MYCBP2: variants seen among roughly 807,000 people sequenced by gnomAD.
MYCBP2 encodes the protein MYC binding protein 2.
Under a neutral mutation model 525.3 loss-of-function variants are expected in MYCBP2, and 120 were observed. The ratio of observed to expected loss-of-function variants is 0.23; its 90% CI spans 0.20 to 0.27. The LOEUF is 0.27. Ranked by LOEUF, MYCBP2 falls within the 10% of genes least tolerant of loss-of-function variation. The pLI is 1.00. For synonymous variants in MYCBP2, 1,894 were observed against 1,955.8 expected (o/e 0.97, Z 0.83); for missense variants, 4,149 against 5,657.1 (o/e 0.73, Z 8.55).
chr13:77,061,351 A>C, intron 75 of MYCBP2, 50 bp from the exon 76 acceptor site: 1 of 1,447,060 alleles, frequency 6.9e-7, no homozygotes, highest in Non-Finnish European at 9.4e-7. Context: ...TATCACTCTG[A>C]AAGGGAGAGT....
intron 52 of MYCBP2, 32 bp downstream of exon 52, chr13:77,139,164 T>G (rs369361199): frequency 6.2e-7 from 1 of 1,606,912 alleles, no homozygotes; most frequent in Non-Finnish European, 8.5e-7. Context: ...AGCGTGTATC[T>G]ATAATGCTTT....
At chr13:77,202,715 C>T (rs931018301) in intron 26 of MYCBP2, among the ~76,000 whole-genome samples, 2 of 152,034 alleles carry the variant, frequency 1.3e-5, no homozygotes, top group Admixed American at 6.6e-5. Context: ...TGGGCTTCAT[C>T]CCTGGGATGC....
At chr13:77,111,859 C>T (rs1412354847) in intron 55 of MYCBP2, among the ~76,000 whole-genome samples, 1 of 152,004 alleles carries the variant, frequency 6.6e-6, no homozygotes, top group East Asian at 1.9e-4. Flanking sequence ...CCATGTGCTC[C>T]CTCCATTTAT....
chr13:77,112,964 C>T (rs1179206224), intron 55 of MYCBP2, among the ~76,000 whole-genome samples: 1 of 152,116 alleles, frequency 6.6e-6, no homozygotes, highest in Non-Finnish European at 1.5e-5. Flanking sequence ...TACTCATTGT[C>T]TCCAATTTCT....
chr13:77,178,980 G>A (rs892789055), intron 34 of MYCBP2, among the ~76,000 whole-genome samples: 6 of 152,146 alleles, frequency 3.9e-5, no homozygotes, highest in Admixed American at 2.0e-4. Flanking sequence ...GGCTTCAATC[G>A]TCTCTGAGGC....
At chr13:77,322,458 C>T (rs1427192140) in intron 1 of MYCBP2, among the ~76,000 whole-genome samples, 1 of 152,170 alleles carries the variant, frequency 6.6e-6, no homozygotes, top group Non-Finnish European at 1.5e-5. Context: ...TCCCCAAAAC[C>T]TTCCATTTCT....
Position 77,264,299 on chromosome 13 carries a change from A to C in MYCBP2, c.1358-297T>G, listed in dbSNP as rs533565580. On this transcript the variant is annotated intron_variant, in intron 8 of 82. Coordinates refer to ENST00000544440, the MANE Select transcript of MYCBP2 (RefSeq NM_015057.5). Reference sequence around the variant, plus strand: ...ACAGTAAACATGCACCACGATGAACAAACTATAATGTTGGTTACAATCATT... The same window carrying C: ...ACAGTAAACATGCACCACGATGAACCAACTATAATGTTGGTTACAATCATT... 1.7e-3 allele frequency among the ~76,000 whole-genome samples: 255 copies of C among 152,210 alleles called. 1 individual carries two copies. Among genetic ancestry groups the C allele is most frequent in the African/African-American group, 5.6e-3 (232 of 41,558 alleles).
chr13:77,292,958 CA>C (rs548135428), intron 2 of MYCBP2, among the ~76,000 whole-genome samples: 233 of 61,304 alleles, frequency 3.8e-3, no homozygotes, highest in Middle Eastern at 7.6e-3. Flanking sequence ...GACTCCGTCT[CA>C]AAAAAAAAAA....
At chr13:77,213,849 G>A (rs919062497) in intron 21 of MYCBP2, among the ~76,000 whole-genome samples, 1 of 152,198 alleles carries the variant, frequency 6.6e-6, no homozygotes, top group Non-Finnish European at 1.5e-5. Flanking sequence ...AGCAGTGGAA[G>A]GAGACAGCGG....
Position 77,260,646 on chromosome 13 carries a change from T to C in MYCBP2, c.1853-54A>G, listed in dbSNP as rs966371741. ...GACCTCTATGTACAAATAATAATAATAATGGTTTGTATATAAAGCTAAAAA... is the reference window on the plus strand; with the variant it reads ...GACCTCTATGTACAAATAATAATAACAATGGTTTGTATATAAAGCTAAAAA... On this transcript the variant is annotated intron_variant, in intron 12 of 82. Transcript: ENST00000544440. The C allele has an allele frequency of 7.2e-6, 10 of 1,397,838 alleles. No homozygotes were observed. In the Admixed American group the frequency reaches 7.3e-5, roughly 10 times the overall value. 86.6% of individuals were successfully genotyped at this position (1,397,838 alleles called of 1,614,324 possible).
At chr13:77,208,179 C>T (rs1171616272) in intron 23 of MYCBP2, among the ~76,000 whole-genome samples, 1 of 152,054 alleles carries the variant, frequency 6.6e-6, no homozygotes, top group African/African-American at 2.4e-5. Flanking sequence ...TCTTTAAATG[C>T]TGAAGGCCTC....
rs187182952 is a variant in MYCBP2 at position 77,129,550 on chromosome 13, T to C, written c.7660-3008A>G. 4.1e-3 allele frequency: 740 copies of C among 181,588 alleles called. 3 individuals are homozygous for C. The highest frequency in any genetic ancestry group is 0.015 in the African/African-American group (640 of 42,808). The allele number at this position is 181,588 out of a possible 1,614,324, so 11.2% of individuals were successfully genotyped here. On this transcript the variant is annotated intron_variant, in intron 52 of 82. Transcript: ENST00000544440. ...CCTTAAAATTCTTTAAATGAGGATG[T>C]ATTTGTTCTAATACAAGCCAGATTT... is the stretch of plus-strand genomic sequence containing the variant.
intron 15 of MYCBP2, 40 bp from the exon 16 acceptor site, chr13:77,243,991 G>T: frequency 6.9e-7 from 1 of 1,451,286 alleles, no homozygotes; most frequent in African/African-American, 1.5e-5. Context: ...AGACAACTGA[G>T]ATATTCCTAA....
intron 78 of MYCBP2, among the ~76,000 whole-genome samples, chr13:77,057,472 A>C (rs570595923): frequency 6.6e-6 from 1 of 152,306 alleles, no homozygotes; most frequent in African/African-American, 2.4e-5. Context: ...AGAACTGAAA[A>C]TATAAGCAAT....
chr13:77,321,086 T>C (rs548501993), intron 1 of MYCBP2, among the ~76,000 whole-genome samples: 1 of 152,344 alleles, frequency 6.6e-6, no homozygotes, highest in African/African-American at 2.4e-5. Flanking sequence ...TTATTGTATA[T>C]AAATTAAACC....
At position 77,217,919 on chromosome 13, in the gene MYCBP2, C is replaced by G. The variant is rs2065040412; in HGVS notation, c.2978G>C (p.Ser993Thr). 6.2e-7 allele frequency: 1 copy of G among 1,610,564 alleles called. No homozygotes were observed. Among genetic ancestry groups the G allele is most frequent in the East Asian group, 2.2e-5 (1 of 44,682 alleles). The change falls in exon 21 of 83, where the codon AGC becomes ACC. Residue 993 changes from serine to threonine, a missense_variant. Ser to Thr is a moderately conservative substitution (Grantham distance 58). Coordinates refer to ENST00000544440, the MANE Select transcript of MYCBP2 (RefSeq NM_015057.5). ...GTTGCTGCCTGCAGTGACTTGTGTG[C>G]TAGGGCCTGGCAATGCTTGAACAAG... is the stretch of plus-strand genomic sequence containing the variant. ...PTLVQALPGP[S>T]TQVTAGSNHT... is the part of the protein sequence containing the mutation.
intron 26 of MYCBP2, among the ~76,000 whole-genome samples, chr13:77,198,264 G>A (rs1446206438): frequency 6.6e-6 from 1 of 152,096 alleles, no homozygotes; most frequent in Non-Finnish European, 1.5e-5. Flanking sequence ...ATAACTATAG[G>A]AGCTTTAAAT....
At position 77,194,141 on chromosome 13, in the gene MYCBP2, C is replaced by T. The variant is rs149027222; in HGVS notation, c.3935+12G>A. The stretch of plus-strand genomic sequence containing the variant: ...TGCAAGAGTTACAATGAATAATGCA[C>T]AAATTATTTACCTAGCAGCACAGTC... On this transcript the variant is annotated intron_variant, in intron 27 of 82. Coordinates refer to ENST00000544440, the MANE Select transcript of MYCBP2 (RefSeq NM_015057.5). The T allele has an allele frequency of 5.3e-3, 8,328 of 1,574,118 alleles. 31 individuals are homozygous for T. Among genetic ancestry groups the T allele is most frequent in the Non-Finnish European group, 6.7e-3 (7,691 of 1,149,032 alleles).
intron 15 of MYCBP2, among the ~76,000 whole-genome samples, chr13:77,245,058 A>G (rs2069610080): frequency 6.6e-6 from 1 of 152,174 alleles, no homozygotes; most frequent in Non-Finnish European, 1.5e-5. Flanking sequence ...CAATGAGAAA[A>G]CATGTCACGC....
Sources: gnomAD v4.1 joint callset for allele counts (sites outside exome capture counted in the v4.1 genomes callset) on GRCh38, gnomAD v4.1.1 for gene constraint, MANE v1.5 for transcripts, NCBI Gene and HGNC (gene_info 2026-07-23, HGNC 2026-07-21) for gene names.